The following RPS6KC1 variants were observed in gnomAD, a reference collection of about 807,000 sequenced individuals.
RPS6KC1 encodes ribosomal protein S6 kinase C1.
In RPS6KC1, 54 loss-of-function variants were observed where a neutral mutation model predicts 103.8. That is an observed-to-expected ratio of 0.52 (90% confidence interval 0.42 to 0.65). The LOEUF (loss-of-function observed/expected upper bound fraction) is 0.65. Ranked by LOEUF, RPS6KC1 falls within the 30% of genes least tolerant of loss-of-function variation. The probability of loss-of-function intolerance (pLI) is 0.00; values close to 1 mark genes in which losing one functional copy is unlikely to be tolerated. For missense variants in RPS6KC1, 1,151 were observed against 1,253.8 expected (o/e 0.92, Z 1.24); for synonymous variants, 439 against 438.7 (o/e 1.00, Z -0.01).
At chr1:213,583,820 CAAAAAAAA>C in the RPS6KC1 span, among the ~76,000 whole-genome samples, 3 of 76,668 alleles carry the variant, frequency 3.9e-5, no homozygotes, top group African/African-American at 1.4e-4. Context: ...GATTCTGTCT[CAAAAAAAA>C]AAAAAAAAAA....
At chr1:213,649,431 C>A in the RPS6KC1 span, among the ~76,000 whole-genome samples, 1 of 152,092 alleles carries the variant, frequency 6.6e-6, no homozygotes, top group Non-Finnish European at 1.5e-5. Flanking sequence ...CACTCCGCCC[C>A]CACCTAGCCC....
At chr1:213,343,419 A>ATG in the RPS6KC1 span, among the ~76,000 whole-genome samples, 1 of 75,974 alleles carries the variant, frequency 1.3e-5, no homozygotes, top group Non-Finnish European at 2.9e-5. Context: ...ATATATATAT[A>ATG]TATATATATA....
At chr1:213,846,617 C>T in the RPS6KC1 span, among the ~76,000 whole-genome samples, 4 of 152,126 alleles carry the variant, frequency 2.6e-5, no homozygotes, top group Non-Finnish European at 5.9e-5. Flanking sequence ...CTCTTTTTTG[C>T]TGTCCTGGCA....
intron 14 of RPS6KC1, among the ~76,000 whole-genome samples, chr1:213,271,480 A>G (rs2095045684): frequency 6.6e-6 from 1 of 152,140 alleles, no homozygotes; most frequent in African/African-American, 2.4e-5. Flanking sequence ...AAAATGTTCT[A>G]AAAGGCCGGG....
At chr1:213,171,024 T>A (rs761832361) in intron 7 of RPS6KC1, among the ~76,000 whole-genome samples, 1 of 152,242 alleles carries the variant, frequency 6.6e-6, no homozygotes, top group African/African-American at 2.4e-5. Flanking sequence ...TTTGGCTTTT[T>A]AAATTTTTGT....
chr1:213,209,043 C>T (rs1474250138), intron 8 of RPS6KC1, among the ~76,000 whole-genome samples: 1 of 151,970 alleles, frequency 6.6e-6, no homozygotes, highest in Non-Finnish European at 1.5e-5. Flanking sequence ...TCTTCCCCTT[C>T]TGGATGAACT....
At chr1:213,302,013 G>A in the RPS6KC1 span, among the ~76,000 whole-genome samples, 1 of 152,226 alleles carries the variant, frequency 6.6e-6, no homozygotes, top group East Asian at 1.9e-4. Flanking sequence ...TGGGATTACA[G>A]GCATGAGCCA....
chr1:213,354,993 G>A, the RPS6KC1 span, among the ~76,000 whole-genome samples: 13 of 152,142 alleles, frequency 8.5e-5, no homozygotes, highest in Admixed American at 2.0e-4. Flanking sequence ...CGAGGTGGGC[G>A]GATCACCTAA....
intron 14 of RPS6KC1, among the ~76,000 whole-genome samples, chr1:213,269,095 CACAA>C (rs1359620155): frequency 2.0e-5 from 3 of 152,116 alleles, no homozygotes; most frequent in Non-Finnish European, 4.4e-5. Context: ...AATTCAAAAA[CACAA>C]ACAGATTGAA....
chr1:213,164,890 C>T (rs1452961076), intron 6 of RPS6KC1, among the ~76,000 whole-genome samples: 1 of 152,136 alleles, frequency 6.6e-6, no homozygotes, highest in African/African-American at 2.4e-5. Flanking sequence ...TGCCTAAGCC[C>T]ACTGGAAATT....
the RPS6KC1 span, among the ~76,000 whole-genome samples, chr1:213,378,637 TGATGG>T: frequency 2.8e-4 from 42 of 152,344 alleles, 1 homozygote; most frequent in East Asian, 6.9e-3. Context: ...AATAAATAAA[TGATGG>T]ATACACATAT....
chr1:213,235,933 T>G (rs1390120913), intron 10 of RPS6KC1, among the ~76,000 whole-genome samples: 2 of 152,148 alleles, frequency 1.3e-5, no homozygotes, highest in African/African-American at 4.8e-5. Flanking sequence ...GCTGATGGCT[T>G]GGACAAGGTA....
chr1:213,166,740 A>G (rs551944764), intron 6 of RPS6KC1, among the ~76,000 whole-genome samples: 1 of 152,174 alleles, frequency 6.6e-6, no homozygotes, highest in Non-Finnish European at 1.5e-5. Context: ...ACTTTGTTGC[A>G]GCTTTTCGTT....
intron 1 of RPS6KC1, among the ~76,000 whole-genome samples, chr1:213,065,449 T>C (rs959437617): frequency 2.0e-5 from 3 of 152,242 alleles, no homozygotes; most frequent in African/African-American, 7.2e-5. Context: ...GATTTCTGAT[T>C]GATACTCTTA....
the RPS6KC1 span, among the ~76,000 whole-genome samples, chr1:213,358,139 C>A: frequency 1.7e-5 from 2 of 120,822 alleles, no homozygotes; most frequent in Non-Finnish European, 3.7e-5. Context: ...CAGGATGATG[C>A]TGGCCTCATG....
chr1:213,644,706 T>A, the RPS6KC1 span, among the ~76,000 whole-genome samples: 1 of 152,136 alleles, frequency 6.6e-6, no homozygotes, highest in South Asian at 2.1e-4. Flanking sequence ...TGACAGCAAA[T>A]GTCCTAGGAG....
chr1:213,555,525 T>C, the RPS6KC1 span, among the ~76,000 whole-genome samples: 1 of 152,196 alleles, frequency 6.6e-6, no homozygotes, highest in South Asian at 2.1e-4. Flanking sequence ...CTTTGCTCAC[T>C]GCAGCCTCGA....
At chr1:213,765,077 C>T in the RPS6KC1 span, among the ~76,000 whole-genome samples, 9 of 152,162 alleles carry the variant, frequency 5.9e-5, no homozygotes, top group Non-Finnish European at 1.2e-4. Flanking sequence ...CCACAGCCAC[C>T]GAGGGAAGTG....
chr1:213,664,035 G>A, the RPS6KC1 span, among the ~76,000 whole-genome samples: 1 of 152,282 alleles, frequency 6.6e-6, no homozygotes, highest in Middle Eastern at 3.4e-3. Context: ...AGGGAGAGCC[G>A]CCACCTCACC....
Sources: allele counts gnomAD v4.1 joint callset (sites outside exome capture counted in the v4.1 genomes callset), GRCh38; gene constraint gnomAD v4.1.1; transcripts MANE v1.5; gene names NCBI Gene and HGNC (gene_info 2026-07-23, HGNC 2026-07-21).